The following CNTN1 variants were observed in gnomAD, a reference collection of about 807,000 sequenced individuals.
CNTN1 encodes the protein contactin 1.
Under a neutral mutation model 126.4 loss-of-function variants are expected in CNTN1, and 38 were observed. That is an observed-to-expected ratio of 0.30 (90% CI 0.23 to 0.39). CNTN1 has a LOEUF of 0.39. Ranked by LOEUF, CNTN1 falls within the 10% of genes least tolerant of loss-of-function variation. The pLI is 1.00. For missense variants in CNTN1, 1,009 were observed against 1,248.4 expected, an observed-to-expected ratio of 0.81 and a Z score of 2.89; for synonymous variants, 413 against 422.6, an observed-to-expected ratio of 0.98 and a Z score of 0.28.
intron 1 of CNTN1, among the ~76,000 whole-genome samples, chr12:40,816,078 T>G (rs1232695298): frequency 2.0e-5 from 3 of 152,158 alleles, no homozygotes; most frequent in Non-Finnish European, 4.4e-5. Flanking sequence ...GTTTTTGCAT[T>G]GATGTTCATC....
intron 17 of CNTN1, among the ~76,000 whole-genome samples, chr12:41,005,357 T>C (rs529925553): frequency 2.0e-5 from 3 of 152,326 alleles, no homozygotes; most frequent in Non-Finnish European, 4.4e-5. Context: ...TAGCTGTCTT[T>C]AGCATTTTTT....
Position 40,698,426 on chromosome 12 carries a change from T to C in CNTN1, c.-77+5834T>C, listed in dbSNP as rs535786609. 7.3e-5 allele frequency among the ~76,000 whole-genome samples: 11 copies of C among 151,698 alleles called. No homozygotes were observed. In the South Asian group the frequency reaches 8.4e-4, roughly 12 times the overall value. On this transcript the variant is annotated intron_variant, in intron 1 of 23. Transcript: ENST00000551295. ...AATTTTTTTGTATTTTTAGTAGAGATGGGGTTTCACCGTGTTAGCGAGGAT... is the reference window on the plus strand; with the variant it reads ...AATTTTTTTGTATTTTTAGTAGAGACGGGGTTTCACCGTGTTAGCGAGGAT...
At chr12:40,723,374 G>C (rs1220347312) in intron 1 of CNTN1, among the ~76,000 whole-genome samples, 1 of 152,104 alleles carries the variant, frequency 6.6e-6, no homozygotes, top group South Asian at 2.1e-4. Context: ...GCTGCTTTAC[G>C]CTTTCAGTTT....
chr12:40,958,181 A>G (rs555687824), intron 14 of CNTN1, among the ~76,000 whole-genome samples: 1 of 152,116 alleles, frequency 6.6e-6, no homozygotes, highest in Non-Finnish European at 1.5e-5. Flanking sequence ...GACCTTAGTT[A>G]TCTTAGTTAA....
At chr12:40,761,950 A>C (rs972837655) in intron 1 of CNTN1, among the ~76,000 whole-genome samples, 2 of 152,182 alleles carry the variant, frequency 1.3e-5, no homozygotes, top group African/African-American at 4.8e-5. Context: ...TTTAAGCTGA[A>C]TGGCAATGCA....
chr12:40,821,295 A>G (rs553643201), intron 1 of CNTN1, among the ~76,000 whole-genome samples: 311 of 152,320 alleles, frequency 2.0e-3, no homozygotes, highest in Non-Finnish European at 3.7e-3. Context: ...GGTGACTCTC[A>G]TGGGGCAGAA....
chr12:40,904,544 T>C (rs1469214832), intron 1 of CNTN1, among the ~76,000 whole-genome samples: 1 of 152,122 alleles, frequency 6.6e-6, no homozygotes, highest in Non-Finnish European at 1.5e-5. Context: ...TTCTCCTGCT[T>C]CAGCCTCCCA....
rs1483718915 is a variant in CNTN1, at chr12:41,068,806, T to C, written c.2981-1153T>C. ...GCCATTGACTAAATTTTTTAGGTCT[T>C]CACTCATTCTAGCAGCATGTTCATT... On this transcript the variant is annotated intron_variant, in intron 23 of 23. Coordinates refer to ENST00000551295, the MANE Select transcript of CNTN1 (RefSeq NM_001843.4). 2.6e-5 allele frequency among the ~76,000 whole-genome samples: 4 copies of C among 152,162 alleles called. No homozygotes were observed. The East Asian group carries it at 7.7e-4, about 29-fold the overall frequency.
At chr12:40,913,527 T>C (rs933832652) in intron 3 of CNTN1, among the ~76,000 whole-genome samples, 5 of 152,212 alleles carry the variant, frequency 3.3e-5, no homozygotes, top group African/African-American at 1.2e-4. Context: ...AACATGCTTA[T>C]GTAAAATTGT....
chr12:41,006,673 G>T (rs985883180), intron 17 of CNTN1, among the ~76,000 whole-genome samples: 1 of 152,244 alleles, frequency 6.6e-6, no homozygotes, highest in African/African-American at 2.4e-5. Flanking sequence ...AGGATACCTT[G>T]CTTTCAGCAC....
rs1269484714 is a variant in CNTN1, at chr12:40,912,198, G to A, written c.94+2093G>A. ...ATCATCAAAACCAACTTCACTCAAT[G>A]TCTTTAAGAATATTTTTCTTCTTAA... On this transcript the variant is annotated intron_variant, in intron 3 of 23. Coordinates refer to ENST00000551295, the MANE Select transcript of CNTN1 (RefSeq NM_001843.4). 2.1e-5 allele frequency among the ~76,000 whole-genome samples: 3 copies of A among 146,178 alleles called. No individual in the cohort carries two copies. In the East Asian group the frequency reaches 5.9e-4, roughly 29 times the overall value.
chr12:40,726,775 G>T (rs1942361832), intron 1 of CNTN1, among the ~76,000 whole-genome samples: 1 of 151,926 alleles, frequency 6.6e-6, no homozygotes, highest in South Asian at 2.1e-4. Flanking sequence ...AATAGAAATA[G>T]AATGTTTGCC....
chr12:40,801,694 G>T (rs190796742), intron 1 of CNTN1, among the ~76,000 whole-genome samples: 8 of 151,824 alleles, frequency 5.3e-5, no homozygotes, highest in Non-Finnish European at 1.2e-4. Flanking sequence ...GATGAGGCTA[G>T]AGGGTTGGTT....
chr12:40,791,129 A>G (rs530643143), intron 1 of CNTN1, among the ~76,000 whole-genome samples: 1 of 152,246 alleles, frequency 6.6e-6, no homozygotes, highest in South Asian at 2.1e-4. Flanking sequence ...CTGTTTCACA[A>G]ATTTAATATT....
chr12:41,039,559 T>C (rs1417989635), intron 23 of CNTN1, among the ~76,000 whole-genome samples: 1 of 152,180 alleles, frequency 6.6e-6, no homozygotes, highest in African/African-American at 2.4e-5. Context: ...CTGAGTTCAA[T>C]ATGCTAGTTC....
At chr12:40,767,304 C>CTTTTTTTTTTTTTTTTT (rs10639318) in intron 1 of CNTN1, among the ~76,000 whole-genome samples, 1 of 89,716 alleles carries the variant, frequency 1.1e-5, no homozygotes, top group African/African-American at 4.5e-5. Context: ...CTGACCTTTC[C>CTTTTTTTTTTTTTTTTT]TTTTTTTTTT....
chr12:40,706,735 C>G (rs1438665976), intron 1 of CNTN1, among the ~76,000 whole-genome samples: 1 of 152,166 alleles, frequency 6.6e-6, no homozygotes, highest in African/African-American at 2.4e-5. Flanking sequence ...ACTACTTCTT[C>G]CATATTGGTA....
At chr12:40,832,318 G>A (rs1941871346) in intron 1 of CNTN1, among the ~76,000 whole-genome samples, 1 of 152,142 alleles carries the variant, frequency 6.6e-6, no homozygotes, top group African/African-American at 2.4e-5. Context: ...GATTATAATG[G>A]AGCAGAAAAT....
chr12:41,060,021 G>GA (rs57247985), intron 23 of CNTN1, among the ~76,000 whole-genome samples: 1,681 of 148,368 alleles, frequency 0.011, 9 homozygotes, highest in Middle Eastern at 0.024. Flanking sequence ...GAGTTTGTCG[G>GA]AAAAAAAAAA....
Sources: allele counts gnomAD v4.1 joint callset (sites outside exome capture counted in the v4.1 genomes callset), GRCh38; gene constraint gnomAD v4.1.1; transcripts MANE v1.5; gene names NCBI Gene and HGNC (gene_info 2026-07-23, HGNC 2026-07-21).